Variants in TRPM3 observed in about 807,000 individuals in gnomAD.
TRPM3 encodes the protein transient receptor potential cation channel subfamily M member 3, also known as long transient receptor potential channel 3.
TRPM3 carries 77 observed loss-of-function variants against 181.2 expected under a neutral mutation model. The observed-to-expected ratio is 0.42, with a 90% CI of 0.35 to 0.51. The LOEUF is 0.51. Among genes scored for constraint, TRPM3 ranks in the 20% least tolerant of loss-of-function variants. The probability of loss-of-function intolerance (pLI) is 0.01; values close to 1 mark genes in which losing one functional copy is unlikely to be tolerated. For missense variants in TRPM3, 1,759 were observed against 2,196.7 expected, an observed-to-expected ratio of 0.80 and a Z score of 3.98; for synonymous variants, 745 against 796.4, an observed-to-expected ratio of 0.94 and a Z score of 1.09.
intron 1 of TRPM3, among the ~76,000 whole-genome samples, chr9:71,206,181 A>C (rs2079107808): frequency 6.6e-6 from 1 of 152,198 alleles, no homozygotes; most frequent in African/African-American, 2.4e-5. Context: ...ACTGTTTTCT[A>C]CAATGGTTGA....
At chr9:71,250,933 G>A (rs889083853) in intron 1 of TRPM3, among the ~76,000 whole-genome samples, 2 of 152,078 alleles carry the variant, frequency 1.3e-5, no homozygotes, top group Non-Finnish European at 2.9e-5. Context: ...TTTGATTTTC[G>A]GTTTAAGAGC....
chr9:70,755,519 C>A (rs1161460329), intron 8 of TRPM3, among the ~76,000 whole-genome samples: 1 of 151,926 alleles, frequency 6.6e-6, no homozygotes, highest in Non-Finnish European at 1.5e-5. Context: ...TACAGGCATG[C>A]ACCACCATGC....
intron 1 of TRPM3, among the ~76,000 whole-genome samples, chr9:71,317,452 C>T (rs1409273654): frequency 6.6e-6 from 1 of 151,980 alleles, no homozygotes; most frequent in Non-Finnish European, 1.5e-5. Context: ...CCAGCCTGGG[C>T]AACAATGGTG....
chr9:71,205,694 T>C (rs899154944), intron 1 of TRPM3, among the ~76,000 whole-genome samples: 2 of 152,218 alleles, frequency 1.3e-5, no homozygotes, highest in Non-Finnish European at 2.9e-5. Context: ...AGTCAGAAAG[T>C]TATCAGCTCA....
In TRPM3 at chr9:70,606,605, T is replaced by G. The variant is rs970544780; in HGVS notation, c.2668-3135A>C. 2.0e-5 allele frequency among the ~76,000 whole-genome samples: 3 copies of G among 150,902 alleles called. No individual in the cohort carries two copies. In the East Asian group the frequency reaches 5.9e-4, roughly 30 times the overall value. ...AACATTCATGCAGCCTTGCTGTAGA[T>G]TATCTTGACATGACATGCTTTAATT... On this transcript the variant is annotated intron_variant, in intron 19 of 25. Transcript: ENST00000677713.
At chr9:70,562,323 A>G (rs2049308312) in intron 22 of TRPM3, among the ~76,000 whole-genome samples, 1 of 152,186 alleles carries the variant, frequency 6.6e-6, no homozygotes, top group African/African-American at 2.4e-5. Flanking sequence ...TGAATCATCT[A>G]TCCCAGGAGC....
At chr9:70,754,144 C>T (rs1286489490) in intron 8 of TRPM3, among the ~76,000 whole-genome samples, 1 of 152,140 alleles carries the variant, frequency 6.6e-6, no homozygotes, top group African/African-American at 2.4e-5. Flanking sequence ...CTCCAGGAGG[C>T]AGCAGCAGAA....
chr9:71,030,731 T>A (rs980639748), intron 1 of TRPM3, among the ~76,000 whole-genome samples: 1 of 152,194 alleles, frequency 6.6e-6, no homozygotes, highest in African/African-American at 2.4e-5. Context: ...AACAAATAAA[T>A]GTATTAATCT....
intron 1 of TRPM3, among the ~76,000 whole-genome samples, chr9:71,348,531 G>T (rs2091421205): frequency 6.7e-6 from 1 of 149,116 alleles, no homozygotes; most frequent in African/African-American, 2.5e-5. Context: ...TGACTTTTCT[G>T]AAAACAGTTT....
chr9:71,154,842 C>T (rs1000708749), intron 1 of TRPM3, among the ~76,000 whole-genome samples: 22 of 152,150 alleles, frequency 1.4e-4, no homozygotes, highest in African/African-American at 4.1e-4. Flanking sequence ...CACCAAAGAA[C>T]GATACAGTTT....
chr9:71,220,144 A>C (rs2080144764), intron 1 of TRPM3, among the ~76,000 whole-genome samples: 1 of 152,198 alleles, frequency 6.6e-6, no homozygotes. Flanking sequence ...AAGCCCCTCT[A>C]GTGCTAGTTT....
chr9:70,891,544 C>T (rs963969240), intron 1 of TRPM3, among the ~76,000 whole-genome samples: 3 of 152,096 alleles, frequency 2.0e-5, no homozygotes, highest in African/African-American at 7.2e-5. Flanking sequence ...GTCCTCGTAG[C>T]ACTATTTGAC....
intron 6 of TRPM3, among the ~76,000 whole-genome samples, chr9:70,797,740 G>T (rs2087574142): frequency 6.6e-6 from 1 of 152,178 alleles, no homozygotes; most frequent in African/African-American, 2.4e-5. Flanking sequence ...AATTTGAAAA[G>T]ACTAACGGTT....
rs1034530503 is a variant in TRPM3, at chr9:70,785,734, T to C, written c.974-1455A>G. The stretch of plus-strand genomic sequence containing the variant: ...TTTTACTTCTAAAGCATAAATACTT[T>C]AGTCTCCTAGGGCTTTATCTCCTTT... On this transcript the variant is annotated intron_variant, in intron 6 of 25. Coordinates refer to ENST00000677713, the MANE Select transcript of TRPM3 (RefSeq NM_001366145.2). 2.6e-5 allele frequency among the ~76,000 whole-genome samples: 4 copies of C among 152,218 alleles called. 1 individual carries two copies. The highest frequency in any genetic ancestry group is 2.6e-4 in the Admixed American group (4 of 15,284).
intron 8 of TRPM3, among the ~76,000 whole-genome samples, chr9:70,751,687 T>C (rs1047318476): frequency 1.3e-5 from 2 of 152,116 alleles, no homozygotes; most frequent in Non-Finnish European, 2.9e-5. Context: ...TAGAACCCAA[T>C]GCAGAGGGAG....
At chr9:70,890,048 G>A (rs992173412) in intron 1 of TRPM3, among the ~76,000 whole-genome samples, 5 of 146,696 alleles carry the variant, frequency 3.4e-5, no homozygotes, top group Admixed American at 1.4e-4. Context: ...CTATACATTA[G>A]TATATATAAT....
At chr9:71,289,506 T>G (rs1252448485) in intron 1 of TRPM3, among the ~76,000 whole-genome samples, 1 of 152,050 alleles carries the variant, frequency 6.6e-6, no homozygotes, top group Non-Finnish European at 1.5e-5. Context: ...AAACAGAAGC[T>G]CAAGTTCTAG....
chr9:70,758,562 G>A (rs1042256023), intron 8 of TRPM3, among the ~76,000 whole-genome samples: 10 of 152,058 alleles, frequency 6.6e-5, no homozygotes, highest in Admixed American at 1.3e-4. Context: ...GAGGCATCAC[G>A]CTACCTGGCT....
chr9:71,248,073 T>C (rs917775130), intron 1 of TRPM3, among the ~76,000 whole-genome samples: 8 of 152,280 alleles, frequency 5.3e-5, no homozygotes, highest in South Asian at 2.1e-4. Flanking sequence ...CTCACTCTCT[T>C]TTGATAACTG....
Sources: allele counts gnomAD v4.1 joint callset (sites outside exome capture counted in the v4.1 genomes callset), GRCh38; gene constraint gnomAD v4.1.1; transcripts MANE v1.5; gene names NCBI Gene and HGNC (gene_info 2026-07-23, HGNC 2026-07-21).